MOB4: variants seen among roughly 807,000 people sequenced by gnomAD.
MOB4 encodes MOB family member 4, phocein.
MOB4 carries 4 observed loss-of-function variants against 32.2 expected under a neutral mutation model. The ratio of observed to expected loss-of-function variants is 0.12; its 90% CI spans 0.06 to 0.28. The LOEUF (loss-of-function observed/expected upper bound fraction) is 0.28. Among genes scored for constraint, MOB4 ranks in the 10% least tolerant of loss-of-function variants. The probability of loss-of-function intolerance (pLI) is 1.00; values close to 1 mark genes in which losing one functional copy is unlikely to be tolerated. For missense variants in MOB4, 158 were observed against 271.2 expected (o/e 0.58, Z 2.93); for synonymous variants, 88 against 88.1 (o/e 1.00, Z 0.01).
intron 5 of MOB4, among the ~76,000 whole-genome samples, chr2:197,547,280 G>C (rs567286522): frequency 7.7e-4 from 117 of 152,284 alleles, no homozygotes; most frequent in Non-Finnish European, 1.4e-3. Flanking sequence ...TGTTGTTCAA[G>C]GGTCTGCTGT....
At chr2:197,545,858 T>C (rs1195346139) in intron 5 of MOB4, among the ~76,000 whole-genome samples, 1 of 152,004 alleles carries the variant, frequency 6.6e-6, no homozygotes, top group Non-Finnish European at 1.5e-5. Context: ...GTGGTAATGG[T>C]TGCAGAATTT....
At chr2:197,548,056 A>G (rs1033878171) in intron 5 of MOB4, among the ~76,000 whole-genome samples, 7 of 152,162 alleles carry the variant, frequency 4.6e-5, no homozygotes, top group African/African-American at 1.7e-4. Flanking sequence ...ATAAATCAGG[A>G]TTCTTCTTGT....
intron 3 of MOB4, among the ~76,000 whole-genome samples, chr2:197,536,074 T>A (rs1431195084): frequency 6.6e-6 from 1 of 151,964 alleles, no homozygotes; most frequent in Non-Finnish European, 1.5e-5. Flanking sequence ...AATTTTTTAA[T>A]TTTTTGTAGA....
chr2:197,541,008 C>T (rs926749613), intron 5 of MOB4, among the ~76,000 whole-genome samples: 2 of 151,540 alleles, frequency 1.3e-5, no homozygotes, highest in Admixed American at 1.3e-4. Flanking sequence ...TCAGGAGATT[C>T]TCATGCATCA....
At chr2:197,546,793 A>G (rs982548248) in intron 5 of MOB4, among the ~76,000 whole-genome samples, 12 of 152,200 alleles carry the variant, frequency 7.9e-5, no homozygotes, top group African/African-American at 2.9e-4. Context: ...GCAGCTGAAA[A>G]TCTGAGTATC....
At chr2:197,534,350 TTA>T (rs1386296923) in intron 2 of MOB4, among the ~76,000 whole-genome samples, 1 of 152,222 alleles carries the variant, frequency 6.6e-6, no homozygotes, top group African/African-American at 2.4e-5. Context: ...ATTTAAATTT[TTA>T]TGTTATTACA....
At chr2:197,548,847 T>TG (rs1440670355) in intron 6 of MOB4, among the ~76,000 whole-genome samples, 1 of 152,118 alleles carries the variant, frequency 6.6e-6, no homozygotes, top group East Asian at 1.9e-4. Flanking sequence ...CTCCCTCTCA[T>TG]GCTTTAGAGT....
At chr2:197,520,611 A>T (rs1489850469) in intron 1 of MOB4, among the ~76,000 whole-genome samples, 1 of 152,158 alleles carries the variant, frequency 6.6e-6, no homozygotes, top group Non-Finnish European at 1.5e-5. Context: ...AGCTTCAAAG[A>T]TGTGTCAGGC....
intron 2 of MOB4, among the ~76,000 whole-genome samples, chr2:197,534,653 T>C (rs182279018): frequency 6.6e-6 from 1 of 152,104 alleles, no homozygotes; most frequent in Non-Finnish European, 1.5e-5. Flanking sequence ...AGCGATTCTC[T>C]TGCCTCAGCC....
intron 3 of MOB4, among the ~76,000 whole-genome samples, chr2:197,537,115 A>G (rs1219542863): frequency 2.0e-5 from 3 of 152,188 alleles, no homozygotes; most frequent in East Asian, 1.9e-4. Context: ...CCTGTAAATT[A>G]TTGCAAACTT....
chr2:197,530,578 T>C (rs987129465), intron 2 of MOB4, among the ~76,000 whole-genome samples: 2 of 152,014 alleles, frequency 1.3e-5, no homozygotes, highest in African/African-American at 4.8e-5. Flanking sequence ...TGGTTTCTGA[T>C]GAGAAAGAAT....
At chr2:197,517,928 T>A (rs1046322967) in intron 1 of MOB4, among the ~76,000 whole-genome samples, 2 of 152,118 alleles carry the variant, frequency 1.3e-5, no homozygotes, top group African/African-American at 4.8e-5. Context: ...TCATCTGAGT[T>A]CAGGAGTTCA....
At chr2:197,525,726 A>T (rs2086601418) in intron 2 of MOB4, among the ~76,000 whole-genome samples, 1 of 151,980 alleles carries the variant, frequency 6.6e-6, no homozygotes, top group Non-Finnish European at 1.5e-5. Flanking sequence ...AAAAAAAAAA[A>T]AGAAAAAGTG....
intron 2 of MOB4, among the ~76,000 whole-genome samples, chr2:197,524,069 G>GT (rs2086566809): frequency 1.3e-5 from 2 of 152,254 alleles, no homozygotes; most frequent in South Asian, 2.1e-4. Flanking sequence ...ACAAGACCCT[G>GT]TTTCTACGAA....
At position 197,551,519 on chromosome 2, in the gene MOB4, C is replaced by T. The variant is rs1233420226; in HGVS notation, c.*873C>T. ...CTACAAGAAAATGTATTTGCATAGG[C>T]TCTTGCTTATCTTTGTTTTGCAAAA... On this transcript the variant is annotated 3_prime_UTR_variant, in exon 8 of 8. Transcript: ENST00000323303. 3 of 152,750 alleles carry T rather than the reference C, an allele frequency of 2.0e-5. No homozygotes were observed. The highest frequency in any genetic ancestry group is 7.2e-5 in the African/African-American group (3 of 41,446). The allele number at this position is 152,750 out of a possible 1,614,324, so 9.5% of individuals were successfully genotyped here. A position where few individuals can be genotyped will look rare whatever the true frequency, so the allele number is the denominator to read the frequency against.
At chr2:197,548,738 A>G (rs1380309087) in intron 6 of MOB4, among the ~76,000 whole-genome samples, 1 of 152,062 alleles carries the variant, frequency 6.6e-6, no homozygotes, top group Non-Finnish European at 1.5e-5. Context: ...CAAGTTTTGA[A>G]ATTAGGACTG....
chr2:197,536,269 T>A (rs2086796568), intron 3 of MOB4, among the ~76,000 whole-genome samples: 1 of 152,016 alleles, frequency 6.6e-6, no homozygotes, highest in Non-Finnish European at 1.5e-5. Flanking sequence ...AGTGGTGCAA[T>A]CTTGGCGCAT....
At chr2:197,539,317 ATT>A (rs35362424) in intron 3 of MOB4, among the ~76,000 whole-genome samples, 14 of 126,712 alleles carry the variant, frequency 1.1e-4, no homozygotes, top group Admixed American at 4.4e-4. Context: ...TTGTAATGTA[ATT>A]TTTTTTTTTT....
intron 2 of MOB4, among the ~76,000 whole-genome samples, chr2:197,530,396 T>A (rs1009949417): frequency 2.6e-5 from 4 of 151,714 alleles, no homozygotes; most frequent in Admixed American, 6.6e-5. Flanking sequence ...CCTTTCTGAG[T>A]AGCTATGACT....
Sources: allele counts gnomAD v4.1 joint callset (sites outside exome capture counted in the v4.1 genomes callset), GRCh38; gene constraint gnomAD v4.1.1; transcripts MANE v1.5; gene names NCBI Gene and HGNC (gene_info 2026-07-23, HGNC 2026-07-21).